AHCY: variants seen among roughly 807,000 people sequenced by gnomAD.
AHCY encodes the protein adenosylhomocysteinase, also known as S-adenosyl-L-homocysteine hydrolase.
AHCY carries 24 observed loss-of-function variants against 45.4 expected under a neutral mutation model. That is an observed-to-expected ratio of 0.53 (90% CI 0.38 to 0.74). The LOEUF (loss-of-function observed/expected upper bound fraction) is 0.74. AHCY is among the 30% of genes least tolerant of loss of function. The probability of loss-of-function intolerance (pLI) is 0.00; values close to 1 mark genes in which losing one functional copy is unlikely to be tolerated. For synonymous variants in AHCY, 245 were observed against 235.1 expected, an observed-to-expected ratio of 1.04 and a Z score of -0.39; for missense variants, 449 against 594.1, an observed-to-expected ratio of 0.76 and a Z score of 2.54.
the AHCY span, among the ~76,000 whole-genome samples, chr20:34,258,335 C>T: frequency 4.3e-5 from 6 of 140,944 alleles, no homozygotes; most frequent in East Asian, 4.0e-4. Context: ...ATAGGGTCTC[C>T]GTTGGATATT....
chr20:34,236,500 C>T, the AHCY span, among the ~76,000 whole-genome samples: 1 of 151,640 alleles, frequency 6.6e-6, no homozygotes, highest in African/African-American at 2.4e-5. Flanking sequence ...GCTGAGATTG[C>T]ACCACTGCAC....
At chr20:34,241,117 A>C in the AHCY span, among the ~76,000 whole-genome samples, 1 of 152,170 alleles carries the variant, frequency 6.6e-6, no homozygotes, top group Admixed American at 6.6e-5. Context: ...AAATAGGAGG[A>C]AACAATTTTC....
intron 3 of AHCY, among the ~76,000 whole-genome samples, chr20:34,293,258 C>T (rs1320418406): frequency 6.6e-6 from 1 of 152,034 alleles, no homozygotes; most frequent in Admixed American, 6.6e-5. Context: ...GGGCTACTGA[C>T]CACCAGCCCA....
chr20:34,258,705 T>TATATATATATATATACAC, the AHCY span, among the ~76,000 whole-genome samples: 1 of 95,718 alleles, frequency 1.0e-5, no homozygotes, highest in Non-Finnish European at 2.0e-5. Flanking sequence ...ACTATATATA[T>TATATATATATATATACAC]ATATTATATA....
chr20:34,302,936 G>C (rs1195225396), intron 1 of AHCY: 1 of 985,336 alleles, frequency 1.0e-6, no homozygotes, highest in Non-Finnish European at 1.2e-6. Context: ...GCAGGTGCCA[G>C]CCGTCCCAGG....
rs533856174 is a variant in AHCY at position 34,298,363 on chromosome 20, A to G, written c.29-2778T>C. ...TTATGATAATCCTTGCTCTATAATCATAGCCTAGGAAAAACCAGGCCATAC... is the reference window on the plus strand; with the variant it reads ...TTATGATAATCCTTGCTCTATAATCGTAGCCTAGGAAAAACCAGGCCATAC... On this transcript the variant is annotated intron_variant, in intron 1 of 9. Transcript: ENST00000217426. Among the ~76,000 whole-genome samples the G allele has an allele frequency of 5.4e-3, 819 of 152,152 alleles. 10 individuals are homozygous for G. The highest frequency in any genetic ancestry group is 0.019 in the African/African-American group (781 of 41,526).
chr20:34,292,654 C>T (rs576333699), intron 3 of AHCY, 147 bp from the exon 4 acceptor site: 3 of 1,187,826 alleles, frequency 2.5e-6, no homozygotes, highest in African/African-American at 1.5e-5. Context: ...GTGGTCAGGA[C>T]ACAACTTGGA....
chr20:34,291,062 T>C, intron 5 of AHCY, 124 bp from the exon 6 acceptor site: 1 of 921,074 alleles, frequency 1.1e-6, no homozygotes, highest in Middle Eastern at 2.2e-4. Flanking sequence ...CGGCCTGGGC[T>C]GAACCCCTCC....
the AHCY span, among the ~76,000 whole-genome samples, chr20:34,267,024 C>G: frequency 6.6e-6 from 1 of 152,146 alleles, no homozygotes; most frequent in Admixed American, 6.6e-5. Context: ...AGTCCCTGCT[C>G]TTTTCTAGGC....
chr20:34,294,018 A>C, intron 3 of AHCY, 63 bp downstream of exon 3: 1 of 1,509,076 alleles, frequency 6.6e-7, no homozygotes, highest in Non-Finnish European at 9.2e-7. Flanking sequence ...TCTAGCAGTC[A>C]GTGAAGCAAA....
the AHCY span, among the ~76,000 whole-genome samples, chr20:34,261,616 A>G: frequency 6.6e-6 from 1 of 152,096 alleles, no homozygotes; most frequent in Non-Finnish European, 1.5e-5. Flanking sequence ...CCTGAGTGAC[A>G]GAGTGAGATC....
At chr20:34,302,957 G>A (rs2036831404) in intron 1 of AHCY, 8 of 985,472 alleles carry the variant, frequency 8.1e-6, no homozygotes, top group Non-Finnish European at 9.6e-6. Context: ...CCGTGGCCAG[G>A]TGTGCTCTCC....
intron 9 of AHCY, among the ~76,000 whole-genome samples, chr20:34,283,399 T>C (rs1229268421): frequency 6.6e-6 from 1 of 152,180 alleles, no homozygotes; most frequent in Non-Finnish European, 1.5e-5. Context: ...GAGTCATTCG[T>C]GCAGTAGGTG....
At chr20:34,272,253 T>G in the AHCY span, among the ~76,000 whole-genome samples, 1 of 152,016 alleles carries the variant, frequency 6.6e-6, no homozygotes, top group African/African-American at 2.4e-5. Flanking sequence ...CAGGAAAAAA[T>G]TCTCAAACCA....
chr20:34,300,015 T>G (rs2036717130), intron 1 of AHCY, among the ~76,000 whole-genome samples: 1 of 152,082 alleles, frequency 6.6e-6, no homozygotes, highest in African/African-American at 2.4e-5. Context: ...TGAAATCCCA[T>G]CTCTACTAAA....
intron 2 of AHCY, 34 bp downstream of exon 2, chr20:34,295,361 A>G: frequency 1.2e-6 from 2 of 1,612,918 alleles, no homozygotes; most frequent in Non-Finnish European, 8.5e-7. Context: ...CAGGGAGGGC[A>G]AGGACTCTGG....
chr20:34,290,191 C>G lies in AHCY; in HGVS notation c.972+141G>C. On this transcript the variant is annotated intron_variant, in intron 8 of 9. Coordinates refer to ENST00000217426, the MANE Select transcript of AHCY (RefSeq NM_000687.4). This position sits in a 1 kb window ranked among gnomAD's most constrained non-coding sequence, Gnocchi z 4.5. ...TGCCCACAGGATAAGGTTGCCACGT[C>G]TGGCTGGCTCTGATGCTAGGCCCTC... 1 of 853,244 alleles carries G rather than the reference C, an allele frequency of 1.2e-6. No individual in the cohort carries two copies. Among genetic ancestry groups the G allele is most frequent in the Non-Finnish European group, 2.0e-6 (1 of 502,192 alleles). 52.9% of individuals were successfully genotyped at this position (853,244 alleles called of 1,614,324 possible). A position where few individuals can be genotyped will look rare whatever the true frequency, so the allele number is the denominator to read the frequency against.
At position 34,292,408 on chromosome 20, in the gene AHCY, C is replaced by T; in HGVS notation, c.395G>A (p.Gly132Glu). 1 of 1,613,802 alleles carries T rather than the reference C, an allele frequency of 6.2e-7. No homozygotes were observed. The highest frequency in any genetic ancestry group is 8.5e-7 in the Non-Finnish European group (1 of 1,180,030). ...GTGGATGAGGTTGGTGAGGTCGCCC[C>T]CGTCGTCCAGAATCATGTTGAGGGG... ...DGPLNMILDDGGDLTNLIHTK... is the reference protein window; with the variant it reads ...DGPLNMILDDEGDLTNLIHTK... The change falls in exon 4 of 10, where the codon GGG becomes GAG. Residue 132 changes from glycine to glutamate, a missense_variant. Transcript: ENST00000217426.
chr20:34,267,474 A>AAAG, the AHCY span, among the ~76,000 whole-genome samples: 1 of 151,398 alleles, frequency 6.6e-6, no homozygotes, highest in African/African-American at 2.4e-5. Context: ...AAAAAAAAAA[A>AAAG]AAAAAAAAAG....
Sources: gnomAD v4.1 joint callset for allele counts (sites outside exome capture counted in the v4.1 genomes callset) on GRCh38, gnomAD v4.1.1 for gene constraint, Gnocchi (gnomAD v3.1) non-coding constraint, MANE v1.5 for transcripts, NCBI Gene and HGNC (gene_info 2026-07-23, HGNC 2026-07-21) for gene names.